Variants in PCDHA6 observed in about 807,000 individuals in gnomAD.
PCDHA6 encodes protocadherin alpha 6, also known as protocadherin alpha-6.
Under a neutral mutation model 60.3 loss-of-function variants are expected in PCDHA6, and 55 were observed. That is an observed-to-expected ratio of 0.91 (90% CI 0.73 to 1.14). PCDHA6 has a LOEUF of 1.14. Ranked by LOEUF, PCDHA6 falls within the 50% of genes most tolerant of loss-of-function variation. PCDHA6 has a pLI of 0.00. For missense variants in PCDHA6, 1,327 were observed against 1,256.5 expected (o/e 1.06, Z -0.85); for synonymous variants, 652 against 557.9 (o/e 1.17, Z -2.38).
chr5:140,906,930 G>A (rs1006674722), intron 1 of PCDHA6, among the ~76,000 whole-genome samples: 3 of 152,246 alleles, frequency 2.0e-5, no homozygotes, highest in Non-Finnish European at 4.4e-5. Flanking sequence ...AAAGTGTCCC[G>A]GTGTCAATCT....
At chr5:140,835,577 G>T (rs1554135077) in intron 1 of PCDHA6, 1 of 1,613,890 alleles carries the variant, frequency 6.2e-7, no homozygotes, top group Non-Finnish European at 8.5e-7. Context: ...TCAAGTTGGT[G>T]TCCACCTTCA....
chr5:140,996,837 G>A (rs1382866699), intron 3 of PCDHA6, among the ~76,000 whole-genome samples: 7 of 151,992 alleles, frequency 4.6e-5, no homozygotes, highest in African/African-American at 7.3e-5. Flanking sequence ...ATAATTTAGC[G>A]TGCATCTTCA....
chr5:140,935,435 A>G (rs1268078110), intron 1 of PCDHA6, among the ~76,000 whole-genome samples: 1 of 152,256 alleles, frequency 6.6e-6, no homozygotes, highest in Non-Finnish European at 1.5e-5. Context: ...TCAGCACTAC[A>G]GAAATAATAT....
rs782516685 is a variant in PCDHA6, at chr5:140,883,846, G to T, written c.2394+53361G>T. ...ACGCGCTGCAGCCGTTGGACCACGAGGAGCTGGAGCTGTTGCAGTTCCAGG... is the reference window on the plus strand; with the variant it reads ...ACGCGCTGCAGCCGTTGGACCACGATGAGCTGGAGCTGTTGCAGTTCCAGG... On this transcript the variant is annotated intron_variant, in intron 1 of 3. Coordinates refer to ENST00000529310, the MANE Select transcript of PCDHA6 (RefSeq NM_018909.4). 7 of 1,612,790 alleles carry T rather than the reference G, an allele frequency of 4.3e-6. No individual in the cohort carries two copies. In the East Asian group the frequency reaches 1.3e-4, roughly 31 times the overall value.
intron 1 of PCDHA6, among the ~76,000 whole-genome samples, chr5:140,953,105 G>A (rs191289853): frequency 5.3e-5 from 8 of 152,214 alleles, no homozygotes; most frequent in Non-Finnish European, 1.2e-4. Flanking sequence ...ATGAGATTTG[G>A]GCAGGGACAC....
chr5:141,010,321 G>C lies in PCDHA6; in HGVS notation c.*384G>C. On this transcript the variant is annotated 3_prime_UTR_variant, in exon 4 of 4. Transcript: ENST00000529310. Reference sequence around the variant, plus strand: ...GGCTGAAAAGTTTTGAGATTGAGCAGCTTGGGAGTTTGTGGCCACTGGGTA... The same window carrying C: ...GGCTGAAAAGTTTTGAGATTGAGCACCTTGGGAGTTTGTGGCCACTGGGTA... 7 of 1,541,244 alleles carry C rather than the reference G, an allele frequency of 4.5e-6. No homozygotes were observed. In the South Asian group the frequency reaches 8.5e-5, roughly 19 times the overall value.
Position 140,843,444 on chromosome 5 carries a change from C to G in PCDHA6, c.2394+12959C>G. The G allele has an allele frequency of 1.3e-6, 2 of 1,596,146 alleles. 1 individual carries two copies. ...CTGATCATCGCCATCTGCGCGGTAT[C>G]CAGCCTGCTGGTGCTCACGCTGCTG... On this transcript the variant is annotated intron_variant, in intron 1 of 3. Transcript: ENST00000529310.
intron 1 of PCDHA6, among the ~76,000 whole-genome samples, chr5:140,953,627 T>C (rs1298172951): frequency 6.6e-6 from 1 of 152,178 alleles, no homozygotes; most frequent in Non-Finnish European, 1.5e-5. Context: ...ATTTGCTTTA[T>C]GTATTTTGGC....
In PCDHA6 at chr5:140,835,864, T is replaced by C. The variant is rs2150246825; in HGVS notation, c.2394+5379T>C. 15 of 1,611,970 alleles carry C rather than the reference T, an allele frequency of 9.3e-6. No homozygotes were observed. The highest frequency in any genetic ancestry group is 1.2e-5 in the Non-Finnish European group (14 of 1,179,634). ...AAGAACGCGCTGGTGTCCTACTCGC[T>C]GGTGGAGCTGCGGGTGGGCGAGCGC... On this transcript the variant is annotated intron_variant, in intron 1 of 3. Transcript: ENST00000529310.
intron 1 of PCDHA6, chr5:140,855,916 A>G (rs2043673154): frequency 8.4e-7 from 1 of 1,191,010 alleles, no homozygotes. Flanking sequence ...CTCAAGGACT[A>G]GGAAGTAGCG....
chr5:140,967,217 C>T, intron 1 of PCDHA6: 1 of 1,613,682 alleles, frequency 6.2e-7, no homozygotes, highest in Non-Finnish European at 8.5e-7. Flanking sequence ...TTTCCCGCGG[C>T]CCAACTACCA....
rs114421153 is a variant in PCDHA6, at chr5:140,919,495, A to T, written c.2395-59454A>T. ...TATTTGGATTTATGTTTGTTATTTT[A>T]CTCCTTTTTCTATATGTTTTAATTC... On this transcript the variant is annotated intron_variant, in intron 1 of 3. Coordinates refer to ENST00000529310, the MANE Select transcript of PCDHA6 (RefSeq NM_018909.4). 4.5e-3 allele frequency among the ~76,000 whole-genome samples: 671 copies of T among 150,296 alleles called. 3 individuals are homozygous for T. Among genetic ancestry groups the T allele is most frequent in the African/African-American group, 0.016 (651 of 40,928 alleles).
At chr5:140,931,744 C>G (rs2087714665) in intron 1 of PCDHA6, among the ~76,000 whole-genome samples, 5 of 151,904 alleles carry the variant, frequency 3.3e-5, no homozygotes, top group Admixed American at 3.3e-4. Flanking sequence ...TTGTAATTCA[C>G]AAAGGCATTT....
At chr5:140,876,724 G>T (rs140611870) in intron 1 of PCDHA6, 2 of 1,614,246 alleles carry the variant, frequency 1.2e-6, no homozygotes, top group Non-Finnish European at 1.7e-6. Context: ...CCGCGAGAGC[G>T]TGTCGGCCTA....
In PCDHA6 at chr5:140,841,967, G is replaced by T. The variant is rs1270523059; in HGVS notation, c.2394+11482G>T. On this transcript the variant is annotated intron_variant, in intron 1 of 3. Coordinates refer to ENST00000529310, the MANE Select transcript of PCDHA6 (RefSeq NM_018909.4). Reference sequence around the variant, plus strand: ...GCACCACTTATTCCTGACAGCCACAGATGGGGGCAAACCTGAGCTCACAGG... The same window carrying T: ...GCACCACTTATTCCTGACAGCCACATATGGGGGCAAACCTGAGCTCACAGG... The T allele has an allele frequency of 4.3e-6, 7 of 1,613,816 alleles. No homozygotes were observed. The Admixed American group carries it at 1.2e-4, about 27-fold the overall frequency.
In PCDHA6 at chr5:140,998,789, C is replaced by T. The variant is rs920510450; in HGVS notation, c.2543-10838C>T. On this transcript the variant is annotated intron_variant, in intron 3 of 3. Transcript: ENST00000529310. ...ATGTTGGTCAGGCTGGTCTGGAACC[C>T]CTGACCTCAGGTGATCTGCCTGCCT... 4.6e-5 allele frequency among the ~76,000 whole-genome samples: 7 copies of T among 152,118 alleles called. 1 individual carries two copies. Among genetic ancestry groups the T allele is most frequent in the Admixed American group, 2.6e-4 (4 of 15,262 alleles).
chr5:140,828,266 C>G lies in PCDHA6; in HGVS notation c.175C>G (p.Leu59Val), dbSNP rs1769658438. ...GGACCTGGGGCTGGAGCTGGCGGAG[C>G]TGGTGCCGCGCCTGTTCAGGATGGC... Reference protein sequence around the residue: ...AQDLGLELAELVPRLFRMASK... With the variant: ...AQDLGLELAEVVPRLFRMASK... The change falls in exon 1 of 4, where the codon CTG (leucine) becomes GTG (valine). Residue 59 changes from leucine (L) to valine (V), a missense_variant. By Grantham distance (32) the Leu-to-Val change is conservative. Transcript: ENST00000529310. 6.2e-7 allele frequency: 1 copy of G among 1,614,048 alleles called. No homozygotes were observed. Among genetic ancestry groups the G allele is most frequent in the African/African-American group, 1.3e-5 (1 of 75,070 alleles).
chr5:140,991,981 T>TACC (rs1311484629), intron 3 of PCDHA6, among the ~76,000 whole-genome samples: 8 of 152,126 alleles, frequency 5.3e-5, no homozygotes, highest in Admixed American at 2.0e-4. Flanking sequence ...TTATTCTGCC[T>TACC]ACCACCCGGT....
chr5:140,933,567 A>G lies in PCDHA6; in HGVS notation c.2395-45382A>G, dbSNP rs146986632. ...AATATAAAATAAAAACCAATTAAGA[A>G]GTCTTAATAGTGGGTTTTTAGGTTG... On this transcript the variant is annotated intron_variant, in intron 1 of 3. Coordinates refer to ENST00000529310, the MANE Select transcript of PCDHA6 (RefSeq NM_018909.4). Among the ~76,000 whole-genome samples the G allele has an allele frequency of 5.4e-3, 827 of 152,184 alleles. 4 individuals are homozygous for G. Among genetic ancestry groups the G allele is most frequent in the African/African-American group, 0.019 (796 of 41,566 alleles).
Sources: allele counts gnomAD v4.1 joint callset (sites outside exome capture counted in the v4.1 genomes callset), GRCh38; gene constraint gnomAD v4.1.1; transcripts MANE v1.5; gene names NCBI Gene and HGNC (gene_info 2026-07-23, HGNC 2026-07-21).